The following TGFBR3 variants were observed in gnomAD, a reference collection of about 807,000 sequenced individuals.
The protein encoded by TGFBR3 is transforming growth factor beta receptor 3, also known as transforming growth factor beta receptor type 3.
Under a neutral mutation model 87.9 loss-of-function variants are expected in TGFBR3, and 46 were observed. That is an observed-to-expected ratio of 0.52 (90% CI 0.41 to 0.67). The LOEUF (loss-of-function observed/expected upper bound fraction) is 0.67. TGFBR3 is among the 30% of genes least tolerant of loss of function. The pLI, the probability that TGFBR3 is intolerant of heterozygous loss-of-function variation, is 0.00. For synonymous variants in TGFBR3, 381 were observed against 391.6 expected (o/e 0.97, Z 0.32); for missense variants, 866 against 1,041.9 (o/e 0.83, Z 2.32).
chr1:91,776,505 T>G (rs577906092), intron 3 of TGFBR3, among the ~76,000 whole-genome samples: 14 of 152,322 alleles, frequency 9.2e-5, no homozygotes, highest in African/African-American at 3.4e-4. Context: ...GTAGAATACT[T>G]AACCTCTCTT....
At chr1:91,729,150 T>TGCATACAC (rs1672661084) in intron 6 of TGFBR3, among the ~76,000 whole-genome samples, 1 of 66,856 alleles carries the variant, frequency 1.5e-5, no homozygotes, top group Non-Finnish European at 2.9e-5. Flanking sequence ...CACTCCAGCA[T>TGCATACAC]ACACACACAC....
At chr1:91,848,734 A>G (rs1352053637) in intron 2 of TGFBR3, among the ~76,000 whole-genome samples, 1 of 152,206 alleles carries the variant, frequency 6.6e-6, no homozygotes, top group Admixed American at 6.5e-5. Context: ...AAAGGTGGTA[A>G]GACCCTCAAA....
intron 3 of TGFBR3, among the ~76,000 whole-genome samples, chr1:91,794,024 G>A (rs1427550668): frequency 1.3e-5 from 2 of 152,026 alleles, no homozygotes; most frequent in African/African-American, 4.8e-5. Flanking sequence ...TTGAGCCAAC[G>A]TAAACTTTAT....
At chr1:91,750,992 TC>T (rs2100870885) in intron 4 of TGFBR3, among the ~76,000 whole-genome samples, 1 of 152,338 alleles carries the variant, frequency 6.6e-6, no homozygotes, top group South Asian at 2.1e-4. Flanking sequence ...CAATCAGCTC[TC>T]CCACACAATG....
chr1:91,797,366 C>A lies in TGFBR3; in HGVS notation c.167G>T (p.Gly56Val). The A allele has an allele frequency of 6.2e-7, 1 of 1,614,228 alleles. No homozygotes were observed. Among genetic ancestry groups the A allele is most frequent in the East Asian group, 2.2e-5 (1 of 44,880 alleles). ...FTVLSGCASR[G>V]TTGLPQEVHV... Reference sequence around the variant, plus strand: ...CACCTCCTGTGGCAGCCCAGTTGTGCCTCTGCTGGCACAGCCTGACAAAAC... The same window carrying A: ...CACCTCCTGTGGCAGCCCAGTTGTGACTCTGCTGGCACAGCCTGACAAAAC... The change falls in exon 3 of 17, where the codon GGC becomes GTC. Residue 56 changes from glycine (G) to valine (V), a missense_variant. Coordinates refer to ENST00000212355, the MANE Select transcript of TGFBR3 (RefSeq NM_003243.5).
intron 13 of TGFBR3, 128 bp from the exon 14 acceptor site, chr1:91,708,911 A>C (rs1230949071): frequency 7.4e-7 from 1 of 1,342,686 alleles, no homozygotes; most frequent in Admixed American, 2.0e-5. Context: ...GAAAAGCAAG[A>C]AGGTGGGTGT....
intron 2 of TGFBR3, among the ~76,000 whole-genome samples, chr1:91,803,294 C>T (rs1675707873): frequency 6.6e-6 from 1 of 152,228 alleles, no homozygotes; most frequent in Admixed American, 6.5e-5. Context: ...GGACACACAG[C>T]CACCCAGAAC....
At chr1:91,686,739 G>T (rs1235706138) in intron 16 of TGFBR3, among the ~76,000 whole-genome samples, 1 of 152,190 alleles carries the variant, frequency 6.6e-6, no homozygotes, top group Non-Finnish European at 1.5e-5. Context: ...GTCTTTGGCT[G>T]TCTGCTCTCC....
chr1:91,686,805 G>T (rs1185855289), intron 16 of TGFBR3, among the ~76,000 whole-genome samples: 1 of 152,196 alleles, frequency 6.6e-6, no homozygotes, highest in Non-Finnish European at 1.5e-5. Flanking sequence ...CATCCCTTGG[G>T]TGACAAGTAT....
chr1:91,861,627 T>C lies in TGFBR3; in HGVS notation c.-96A>G. ...TCAGAAGTAGTCTTAAAGTCCCTCC[T>C]TGCAATTTTCAAACTGCCTGTAAAA... On this transcript the variant is annotated 5_prime_UTR_variant, in exon 2 of 17. Transcript: ENST00000212355. The C allele has an allele frequency of 1.0e-6, 1 of 974,658 alleles. No individual in the cohort carries two copies. The highest frequency in any genetic ancestry group is 2.5e-5 in the East Asian group (1 of 40,478). The allele number at this position is 974,658 out of a possible 1,614,324, so 60.4% of individuals were successfully genotyped here.
chr1:91,734,220 A>C (rs1305079870), intron 5 of TGFBR3, among the ~76,000 whole-genome samples: 1 of 152,230 alleles, frequency 6.6e-6, no homozygotes, highest in African/African-American at 2.4e-5. Flanking sequence ...GCAATCTCTT[A>C]TCAAGACCCT....
chr1:91,700,130 G>C (rs1671572441), intron 14 of TGFBR3, among the ~76,000 whole-genome samples: 1 of 152,202 alleles, frequency 6.6e-6, no homozygotes, highest in Non-Finnish European at 1.5e-5. Flanking sequence ...TGTTGAGACA[G>C]GGATTGTATG....
chr1:91,790,356 G>A (rs1258379555), intron 3 of TGFBR3, among the ~76,000 whole-genome samples: 4 of 152,180 alleles, frequency 2.6e-5, no homozygotes, highest in Admixed American at 6.5e-5. Flanking sequence ...GCCGAGGTGC[G>A]TAGTAGGACA....
intron 3 of TGFBR3, among the ~76,000 whole-genome samples, chr1:91,768,240 G>C (rs944285794): frequency 1.3e-5 from 2 of 149,828 alleles, no homozygotes; most frequent in African/African-American, 4.9e-5. Context: ...AGAAGACTTT[G>C]TGTCCAGAGG....
chr1:91,741,964 C>T (rs950879478), intron 4 of TGFBR3, among the ~76,000 whole-genome samples: 3 of 152,156 alleles, frequency 2.0e-5, no homozygotes, highest in African/African-American at 7.2e-5. Flanking sequence ...GACTGAAGTG[C>T]CTCTGCCCGC....
rs556505387 is a variant in TGFBR3 at position 91,682,126 on chromosome 1, T to G, written c.*1613A>C. On this transcript the variant is annotated 3_prime_UTR_variant, in exon 17 of 17. Coordinates refer to ENST00000212355, the MANE Select transcript of TGFBR3 (RefSeq NM_003243.5). Reference sequence around the variant, plus strand: ...TACTCAACGATTTGGTAAAAATGATTGTCAATTTCCACATACTTGTTTCCC... The same window carrying G: ...TACTCAACGATTTGGTAAAAATGATGGTCAATTTCCACATACTTGTTTCCC... The G allele has an allele frequency of 2.2e-6, 1 of 454,090 alleles. No individual in the cohort carries two copies. Among genetic ancestry groups the G allele is most frequent in the East Asian group, 6.9e-5 (1 of 14,398 alleles). 28.1% of individuals were successfully genotyped at this position (454,090 alleles called of 1,614,324 possible).
intron 2 of TGFBR3, among the ~76,000 whole-genome samples, chr1:91,801,405 C>G (rs539858260): frequency 1.3e-4 from 20 of 152,102 alleles, no homozygotes; most frequent in African/African-American, 3.6e-4. Context: ...GTTAAGTGGC[C>G]AGGGAGAGAA....
intron 14 of TGFBR3, 87 bp from the exon 15 acceptor site, chr1:91,698,217 C>T: frequency 4.4e-6 from 5 of 1,136,638 alleles, no homozygotes; most frequent in African/African-American, 1.5e-5. Context: ...GAAACTGACA[C>T]TTTTCCATTT....
At chr1:91,873,845 G>A (rs574595181) in intron 1 of TGFBR3, among the ~76,000 whole-genome samples, 2 of 152,212 alleles carry the variant, frequency 1.3e-5, no homozygotes, top group African/African-American at 2.4e-5. Context: ...AGCTACTTGG[G>A]AGGATGAGGC....
Sources: gnomAD v4.1 joint callset for allele counts (sites outside exome capture counted in the v4.1 genomes callset) on GRCh38, gnomAD v4.1.1 for gene constraint, MANE v1.5 for transcripts, NCBI Gene and HGNC (gene_info 2026-07-23, HGNC 2026-07-21) for gene names.